Variants in ARHGAP31 observed in about 807,000 individuals in gnomAD.
ARHGAP31 encodes rho GTPase-activating protein 31.
Under a neutral mutation model 113.9 loss-of-function variants are expected in ARHGAP31, and 34 were observed. The observed-to-expected ratio is 0.30, with a 90% CI of 0.23 to 0.40. The LOEUF is 0.40. Among genes scored for constraint, ARHGAP31 ranks in the 10% least tolerant of loss-of-function variants. The pLI, the probability that ARHGAP31 is intolerant of heterozygous loss-of-function variation, is 1.00. For synonymous variants in ARHGAP31, 650 were observed against 684.8 expected (o/e 0.95, Z 0.79); for missense variants, 1,548 against 1,767.1 (o/e 0.88, Z 2.22).
rs10575145 is a variant in ARHGAP31 at position 119,297,909 on chromosome 3, A to AACACACACAC, written c.100+2932_100+2941dup. Among the ~76,000 whole-genome samples, 431 of 142,772 alleles carry AACACACACAC rather than the reference A, an allele frequency of 3.0e-3. 2 individuals are homozygous for AACACACACAC. The highest frequency in any genetic ancestry group is 9.5e-3 in the African/African-American group (365 of 38,356). The allele number at this position is 142,772 out of a possible 152,430, so 93.7% of individuals were successfully genotyped here. ...GAGAAACAGAAACCCTTTCCTTAGA[A>AACACACACAC]ACACACACACACACACACACACACA... On this transcript the variant is annotated intron_variant, in intron 1 of 11. Transcript: ENST00000264245.
In ARHGAP31 at chr3:119,409,574, G is replaced by A. The variant is rs375507355; in HGVS notation, c.1724G>A (p.Gly575Asp). Residue 575 changes from glycine to aspartate, a missense_variant, in exon 11 of 12, where the codon GGC (glycine) becomes GAC (aspartate). Gly to Asp is a moderately conservative substitution (Grantham distance 94, BLOSUM62 -1). Coordinates refer to ENST00000264245, the MANE Select transcript of ARHGAP31 (RefSeq NM_020754.4). Reference protein sequence around the residue: ...EAPGTVECSKGLSQEPGAHLE... With the variant: ...EAPGTVECSKDLSQEPGAHLE... ...CCGGGGACAGTGGAATGCAGCAAAG[G>A]CCTGTCCCAGGAGCCAGGCGCCCAC... 57 of 1,614,082 alleles carry A rather than the reference G, an allele frequency of 3.5e-5. No individual in the cohort carries two copies. The highest frequency in any genetic ancestry group is 4.7e-5 in the Non-Finnish European group (56 of 1,180,040).
chr3:119,325,163 A>G (rs1576994551), intron 1 of ARHGAP31, among the ~76,000 whole-genome samples: 1 of 152,194 alleles, frequency 6.6e-6, no homozygotes, highest in African/African-American at 2.4e-5. Context: ...ATACCTACCT[A>G]TATCAACACA....
chr3:119,380,796 G>A, intron 3 of ARHGAP31, 108 bp from the exon 4 acceptor site: 1 of 892,150 alleles, frequency 1.1e-6, no homozygotes. Context: ...ATGATCTCTA[G>A]GCATGGTTGT....
At chr3:119,375,113 A>G (rs542191758) in intron 3 of ARHGAP31, among the ~76,000 whole-genome samples, 12 of 152,086 alleles carry the variant, frequency 7.9e-5, no homozygotes, top group African/African-American at 2.7e-4. Flanking sequence ...CAGATTTCCT[A>G]CTTTAATTGT....
At chr3:119,361,178 T>C (rs547865179) in intron 1 of ARHGAP31, among the ~76,000 whole-genome samples, 1 of 152,280 alleles carries the variant, frequency 6.6e-6, no homozygotes, top group Non-Finnish European at 1.5e-5. Context: ...TTCAGACCCT[T>C]GCTATTCTGA....
At chr3:119,336,941 T>C (rs990221953) in intron 1 of ARHGAP31, among the ~76,000 whole-genome samples, 5 of 152,238 alleles carry the variant, frequency 3.3e-5, no homozygotes, top group Non-Finnish European at 4.4e-5. Context: ...TTCTTACATT[T>C]ACAATATTTT....
chr3:119,337,241 G>A (rs779887192), intron 1 of ARHGAP31, among the ~76,000 whole-genome samples: 7 of 152,286 alleles, frequency 4.6e-5, no homozygotes, highest in Non-Finnish European at 1.0e-4. Context: ...CTCCAGACTT[G>A]CTTCCTTCTG....
chr3:119,377,733 C>T (rs906209564), intron 3 of ARHGAP31, among the ~76,000 whole-genome samples: 1 of 150,886 alleles, frequency 6.6e-6, no homozygotes, highest in Non-Finnish European at 1.5e-5. Flanking sequence ...TTTCCTTGTA[C>T]ATTCCTTTGG....
chr3:119,379,830 GA>G (rs1418214969), intron 3 of ARHGAP31, among the ~76,000 whole-genome samples: 2 of 152,168 alleles, frequency 1.3e-5, no homozygotes, highest in African/African-American at 4.8e-5. Flanking sequence ...ATATCTCAGT[GA>G]AAAAGGAAAG....
At chr3:119,337,370 C>T (rs558938467) in intron 1 of ARHGAP31, among the ~76,000 whole-genome samples, 23 of 152,136 alleles carry the variant, frequency 1.5e-4, no homozygotes, top group Non-Finnish European at 2.5e-4. Flanking sequence ...TTCATGCTCT[C>T]GCTGACTTCA....
intron 1 of ARHGAP31, among the ~76,000 whole-genome samples, chr3:119,352,661 G>T (rs1229167948): frequency 1.3e-5 from 2 of 152,148 alleles, no homozygotes; most frequent in African/African-American, 4.8e-5. Context: ...AGAACTTCAG[G>T]GTTGGCCCTG....
intron 1 of ARHGAP31, among the ~76,000 whole-genome samples, chr3:119,330,951 C>T (rs2079886341): frequency 6.6e-6 from 1 of 152,252 alleles, no homozygotes; most frequent in African/African-American, 2.4e-5. Context: ...AGGTTGCTTT[C>T]AAGCTACTTT....
At chr3:119,308,502 A>G (rs1391440721) in intron 1 of ARHGAP31, among the ~76,000 whole-genome samples, 1 of 152,088 alleles carries the variant, frequency 6.6e-6, no homozygotes, top group Non-Finnish European at 1.5e-5. Context: ...AGCCAACCAT[A>G]TTGCATGTCT....
chr3:119,396,703 TA>T (rs1431176839), intron 8 of ARHGAP31, among the ~76,000 whole-genome samples: 1 of 152,188 alleles, frequency 6.6e-6, no homozygotes, highest in African/African-American at 2.4e-5. Flanking sequence ...ATATATGCTT[TA>T]AAATTCCATA....
intron 1 of ARHGAP31, among the ~76,000 whole-genome samples, chr3:119,329,185 A>G (rs1488581413): frequency 6.6e-6 from 1 of 152,160 alleles, no homozygotes; most frequent in Non-Finnish European, 1.5e-5. Context: ...AGAACTAGAG[A>G]GTTTAGGGGT....
At chr3:119,318,740 C>T (rs1274978204) in intron 1 of ARHGAP31, among the ~76,000 whole-genome samples, 4 of 152,100 alleles carry the variant, frequency 2.6e-5, no homozygotes, top group African/African-American at 4.8e-5. Context: ...ATTAGTCTCT[C>T]GCTTATAATT....
intron 10 of ARHGAP31, among the ~76,000 whole-genome samples, chr3:119,403,069 T>C (rs1417294771): frequency 3.3e-5 from 5 of 152,036 alleles, no homozygotes; most frequent in Admixed American, 2.0e-4. Flanking sequence ...GTGAAGAGAG[T>C]TTCTTTAATT....
chr3:119,397,368 C>A (rs927871253), intron 8 of ARHGAP31, among the ~76,000 whole-genome samples: 3 of 152,228 alleles, frequency 2.0e-5, no homozygotes, highest in African/African-American at 7.2e-5. Flanking sequence ...GGCGCCTGGT[C>A]ACTGCCTATC....
chr3:119,379,856 C>T (rs569102254), intron 3 of ARHGAP31, among the ~76,000 whole-genome samples: 16 of 152,162 alleles, frequency 1.1e-4, no homozygotes, highest in Non-Finnish European at 1.6e-4. Context: ...CTGTGGTTAC[C>T]ATGGACCTCA....
Sources: allele counts gnomAD v4.1 joint callset (sites outside exome capture counted in the v4.1 genomes callset), GRCh38; gene constraint gnomAD v4.1.1; transcripts MANE v1.5; gene names NCBI Gene and HGNC (gene_info 2026-07-23, HGNC 2026-07-21).